Variants in LPCAT1 observed in about 807,000 individuals in gnomAD.
LPCAT1 encodes lysophosphatidylcholine acyltransferase 1.
In LPCAT1, 23 loss-of-function variants were observed where a neutral mutation model predicts 60.9. The ratio of observed to expected loss-of-function variants is 0.38; its 90% confidence interval spans 0.27 to 0.53. The LOEUF is 0.53. LPCAT1 is among the 20% of genes least tolerant of loss of function. The pLI, the probability that LPCAT1 is intolerant of heterozygous loss-of-function variation, is 0.82. For synonymous variants in LPCAT1, 340 were observed against 301.1 expected (o/e 1.13, Z -1.34); for missense variants, 622 against 723.6 (o/e 0.86, Z 1.61).
intron 1 of LPCAT1, among the ~76,000 whole-genome samples, chr5:1,512,288 T>C (rs1014155947): frequency 1.2e-4 from 19 of 152,180 alleles, no homozygotes; most frequent in East Asian, 3.9e-4. Context: ...ATGGAGCCGC[T>C]GGGCCGGCCA....
rs1023730441 is a variant in LPCAT1, at chr5:1,476,138, C to T, written c.899+1266G>A. 6.6e-6 allele frequency among the ~76,000 whole-genome samples: 1 copy of T among 152,222 alleles called. No homozygotes were observed. The highest frequency in any genetic ancestry group is 6.5e-5 in the Admixed American group (1 of 15,280). ...GGGTTCTAAAATAATCAGTGAGGCC[C>T]ACAGGCGATCTCTCCTTGAGCGCTG... On this transcript the variant is annotated intron_variant, in intron 9 of 13. Transcript: ENST00000283415. The surrounding 1 kb of genome is among the most constrained non-coding windows in gnomAD (Gnocchi z 8.6).
rs1487492388 is a variant in LPCAT1, at chr5:1,476,696, A to C, written c.899+708T>G. On this transcript the variant is annotated intron_variant, in intron 9 of 13. Transcript: ENST00000283415. The surrounding 1 kb of genome is among the most constrained non-coding windows in gnomAD (Gnocchi z 8.6). ...TGGACAGAGCTTTGCAGGAGGAAGCACTAGGGAGGCATTCACGTGGGGGTA... is the reference window on the plus strand; with the variant it reads ...TGGACAGAGCTTTGCAGGAGGAAGCCCTAGGGAGGCATTCACGTGGGGGTA... Among the ~76,000 whole-genome samples, 1 of 152,112 alleles carries C rather than the reference A, an allele frequency of 6.6e-6. No individual in the cohort carries two copies. The highest frequency in any genetic ancestry group is 2.4e-5 in the African/African-American group (1 of 41,422).
intron 5 of LPCAT1, among the ~76,000 whole-genome samples, chr5:1,486,787 C>T (rs1205061373): frequency 3.3e-5 from 5 of 152,162 alleles, no homozygotes; most frequent in Non-Finnish European, 5.9e-5. Flanking sequence ...TCGAGGCAGC[C>T]GGAAACCCGG....
Position 1,481,092 on chromosome 5 carries a change from A to G in LPCAT1, c.727-116T>C. The G allele has an allele frequency of 3.9e-6, 5 of 1,268,220 alleles. No individual in the cohort carries two copies. Among genetic ancestry groups the G allele is most frequent in the Non-Finnish European group, 5.7e-6 (5 of 878,684 alleles). The allele number at this position is 1,268,220 out of a possible 1,614,324, so 78.6% of individuals were successfully genotyped here. A position where few individuals can be genotyped will look rare whatever the true frequency, so the allele number is the denominator to read the frequency against. ...CCCACCCCACAGAGGCGCTGCAGCC[A>G]GGGGGAAGGGAGGAGGGTGCTAGAG... On this transcript the variant is annotated intron_variant, in intron 6 of 13. Coordinates refer to ENST00000283415, the MANE Select transcript of LPCAT1 (RefSeq NM_024830.5). This position sits in a 1 kb window ranked among gnomAD's most constrained non-coding sequence, Gnocchi z 7.8.
chr5:1,473,428 T>C (rs887793196), intron 11 of LPCAT1, among the ~76,000 whole-genome samples: 10 of 152,244 alleles, frequency 6.6e-5, no homozygotes, highest in African/African-American at 2.4e-4. Flanking sequence ...CTGCCCGCCA[T>C]GTTCAGGGCC....
chr5:1,515,377 C>A (rs1736476052), intron 1 of LPCAT1, among the ~76,000 whole-genome samples: 1 of 152,060 alleles, frequency 6.6e-6, no homozygotes, highest in Non-Finnish European at 1.5e-5. Flanking sequence ...GGCCCAAACC[C>A]TCAAAAGCTG....
intron 4 of LPCAT1, among the ~76,000 whole-genome samples, chr5:1,489,009 T>C (rs978963230): frequency 2.6e-5 from 4 of 152,226 alleles, no homozygotes; most frequent in South Asian, 4.1e-4. Context: ...AAAACTGCCC[T>C]CAAACTCCCA....
intron 3 of LPCAT1, among the ~76,000 whole-genome samples, chr5:1,494,167 G>A (rs1198006726): frequency 1.3e-5 from 2 of 152,204 alleles, no homozygotes; most frequent in Admixed American, 6.5e-5. Flanking sequence ...GCACAGCCGC[G>A]GTGCATGGGC....
At chr5:1,515,442 G>A (rs546124287) in intron 1 of LPCAT1, among the ~76,000 whole-genome samples, 1 of 149,794 alleles carries the variant, frequency 6.7e-6, no homozygotes, top group East Asian at 2.0e-4. Flanking sequence ...GCAAATACAA[G>A]GTCCCCCACC....
Position 1,487,622 on chromosome 5 carries a change from T to C in LPCAT1, c.667+769A>G, listed in dbSNP as rs576473235. Reference sequence around the variant, plus strand: ...GCGGCCCCAGAGGCACGGCAGCCGGTGCCAGTGTGAGCGAGGAACTGGCTT... The same window carrying C: ...GCGGCCCCAGAGGCACGGCAGCCGGCGCCAGTGTGAGCGAGGAACTGGCTT... On this transcript the variant is annotated intron_variant, in intron 5 of 13. Coordinates refer to ENST00000283415, the MANE Select transcript of LPCAT1 (RefSeq NM_024830.5). This position sits in a 1 kb window ranked among gnomAD's most constrained non-coding sequence, Gnocchi z 6.1. Among the ~76,000 whole-genome samples the C allele has an allele frequency of 2.6e-5, 4 of 152,258 alleles. No homozygotes were observed. The highest frequency in any genetic ancestry group is 9.6e-5 in the African/African-American group (4 of 41,542).
intron 11 of LPCAT1, 110 bp from the exon 12 acceptor site, chr5:1,471,034 C>T (rs192288013): frequency 5.5e-5 from 43 of 788,042 alleles, no homozygotes; most frequent in African/African-American, 4.5e-4. Context: ...CACTCTCACT[C>T]GGGAACATCT....
rs182291788 is a variant in LPCAT1 at position 1,504,114 on chromosome 5, G to A, written c.136-2511C>T. Among the ~76,000 whole-genome samples, 9 of 152,284 alleles carry A rather than the reference G, an allele frequency of 5.9e-5. No homozygotes were observed. In the East Asian group the frequency reaches 1.3e-3, roughly 23 times the overall value. On this transcript the variant is annotated intron_variant, in intron 1 of 13. Transcript: ENST00000283415. ...TTCTTTTCAACTTTTTGAGGGAAAA[G>A]CCCACTTTGTTATTTTCAGAAATAC... is the stretch of plus-strand genomic sequence containing the variant.
intron 12 of LPCAT1, among the ~76,000 whole-genome samples, chr5:1,467,870 G>A (rs1734493589): frequency 2.0e-5 from 3 of 151,994 alleles, no homozygotes; most frequent in Admixed American, 2.0e-4. Flanking sequence ...ACCATCCCCC[G>A]CCGCCCTCTC....
In LPCAT1 at chr5:1,521,620, G is replaced by T. The variant is rs780538528; in HGVS notation, c.135+2090C>A. 1.1e-4 allele frequency: 30 copies of T among 283,776 alleles called. No homozygotes were observed. The highest frequency in any genetic ancestry group is 1.5e-4 in the Non-Finnish European group (28 of 188,662). The allele number at this position is 283,776 out of a possible 1,614,324, so 17.6% of individuals were successfully genotyped here. A position where few individuals can be genotyped will look rare whatever the true frequency, so the allele number is the denominator to read the frequency against. On this transcript the variant is annotated intron_variant, in intron 1 of 13. Transcript: ENST00000283415. This position sits in a 1 kb window ranked among gnomAD's most constrained non-coding sequence, Gnocchi z 4.3. ...CACATTGCAGACATCCAGCAGAAAC[G>T]ACTGGATGTACAAACACACCTAATT...
chr5:1,474,659 T>A lies in LPCAT1; in HGVS notation c.926A>T (p.Tyr309Phe). ...AEALGVSVTDYTFEDCQLALA... is the reference protein window; with the variant it reads ...AEALGVSVTDFTFEDCQLALA... ...GGCCAGCTGGCAGTCCTCGAACGTG[T>A]AGTCAGTCACGGAGACACCCAAGGC... The change falls in exon 10 of 14, where the codon TAC (tyrosine) becomes TTC (phenylalanine). Residue 309 changes from tyrosine (Y) to phenylalanine (F), a missense_variant. By Grantham distance (22) the Tyr-to-Phe change is conservative (BLOSUM62 3). Transcript: ENST00000283415. The A allele has an allele frequency of 1.2e-6, 2 of 1,613,792 alleles. No homozygotes were observed. Among genetic ancestry groups the A allele is most frequent in the Non-Finnish European group, 1.7e-6 (2 of 1,179,958 alleles).
chr5:1,512,929 C>T (rs900635902), intron 1 of LPCAT1, among the ~76,000 whole-genome samples: 8 of 152,240 alleles, frequency 5.3e-5, no homozygotes, highest in Non-Finnish European at 5.9e-5. Flanking sequence ...CTGGCTCAGA[C>T]GGCACAGGTG....
chr5:1,502,734 T>C lies in LPCAT1; in HGVS notation c.136-1131A>G, dbSNP rs1440681016. Among the ~76,000 whole-genome samples the C allele has an allele frequency of 6.6e-6, 1 of 152,226 alleles. No homozygotes were observed. Among genetic ancestry groups the C allele is most frequent in the African/African-American group, 2.4e-5 (1 of 41,528 alleles). ...AAGACCCAGGAGACACAGATCGCAG[T>C]TGGCTCCCCAAGCAGCAGCCATCCC... On this transcript the variant is annotated intron_variant, in intron 1 of 13. Coordinates refer to ENST00000283415, the MANE Select transcript of LPCAT1 (RefSeq NM_024830.5). The surrounding 1 kb of genome is among the most constrained non-coding windows in gnomAD (Gnocchi z 5.5).
chr5:1,493,712 G>C lies in LPCAT1; in HGVS notation c.493+988C>G, dbSNP rs144065895. ...CTCTGGTGGGTCAGGGCTGCGCACA[G>C]GTGGGTGAGGGGCCACGCAGGGCTC... is the stretch of plus-strand genomic sequence containing the variant. On this transcript the variant is annotated intron_variant, in intron 3 of 13. Coordinates refer to ENST00000283415, the MANE Select transcript of LPCAT1 (RefSeq NM_024830.5). Among the ~76,000 whole-genome samples the C allele has an allele frequency of 1.4e-4, 21 of 152,366 alleles. No individual in the cohort carries two copies. The East Asian group carries it at 4.0e-3, about 29-fold the overall frequency.
intron 13 of LPCAT1, among the ~76,000 whole-genome samples, chr5:1,465,711 A>G (rs527767193): frequency 1.6e-4 from 24 of 152,186 alleles, no homozygotes; most frequent in Admixed American, 6.5e-4. Context: ...CACACACAAC[A>G]CACATGCACG....
Sources: allele counts gnomAD v4.1 joint callset (sites outside exome capture counted in the v4.1 genomes callset), GRCh38; gene constraint gnomAD v4.1.1; non-coding constraint Gnocchi (gnomAD v3.1); transcripts MANE v1.5; gene names NCBI Gene and HGNC (gene_info 2026-07-23, HGNC 2026-07-21).